SRPK1: variants seen among roughly 807,000 people sequenced by gnomAD.
SRPK1 encodes the protein SRSF protein kinase 1.
In SRPK1, 52 loss-of-function variants were observed where a neutral mutation model predicts 89.5. That is an observed-to-expected ratio of 0.58 (90% CI 0.46 to 0.73). The LOEUF is 0.73. Among genes scored for constraint, SRPK1 ranks in the 30% least tolerant of loss-of-function variants. The probability of loss-of-function intolerance (pLI) is 0.00; values close to 1 mark genes in which losing one functional copy is unlikely to be tolerated. For synonymous variants in SRPK1, 255 were observed against 270.2 expected (o/e 0.94, Z 0.55); for missense variants, 603 against 780.6 (o/e 0.77, Z 2.71).
chr6:35,916,091 G>A (rs1211947819), intron 2 of SRPK1, among the ~76,000 whole-genome samples: 1 of 149,928 alleles, frequency 6.7e-6, no homozygotes, highest in African/African-American at 2.5e-5. Context: ...GGACACAGTG[G>A]TATGTGCCTG....
intron 12 of SRPK1, among the ~76,000 whole-genome samples, chr6:35,862,073 TAACAACAACAACAACAAC>T (rs201751746): frequency 2.0e-5 from 3 of 151,532 alleles, no homozygotes; most frequent in Non-Finnish European, 4.4e-5. Context: ...CCATCACAGC[TAACAACAACAACAACAAC>T]AACAACAACA....
rs566449309 is a variant in SRPK1 at position 35,915,749 on chromosome 6, G to T, written c.74+4719C>A. Among the ~76,000 whole-genome samples, 561 of 152,052 alleles carry T rather than the reference G, an allele frequency of 3.7e-3. 2 individuals are homozygous for T. The highest frequency in any genetic ancestry group is 0.013 in the African/African-American group (524 of 41,472). ...GCACTTTGGGAGGCCGAGGTGGGCG[G>T]ATCATGAGGTCAGGAGATGGAGACC... On this transcript the variant is annotated intron_variant, in intron 2 of 15. Transcript: ENST00000373825.
intron 2 of SRPK1, among the ~76,000 whole-genome samples, chr6:35,897,793 T>C (rs933696086): frequency 6.6e-6 from 1 of 152,224 alleles, no homozygotes; most frequent in African/African-American, 2.4e-5. Context: ...ATTACAGGCA[T>C]GAGCTACCAC....
chr6:35,886,961 G>A, intron 5 of SRPK1, 150 bp from the exon 6 acceptor site: 3 of 580,774 alleles, frequency 5.2e-6, no homozygotes, highest in Non-Finnish European at 6.1e-6. Context: ...TAGCTTTAAT[G>A]GAGAAAAATC....
chr6:35,850,003 A>C (rs1032446922), intron 13 of SRPK1, among the ~76,000 whole-genome samples: 7 of 152,202 alleles, frequency 4.6e-5, no homozygotes, highest in African/African-American at 1.7e-4. Flanking sequence ...GTGAAATCTA[A>C]AACAATTTAA....
intron 12 of SRPK1, among the ~76,000 whole-genome samples, chr6:35,858,761 C>T (rs1012957133): frequency 2.6e-5 from 4 of 151,926 alleles, no homozygotes; most frequent in African/African-American, 4.8e-5. Context: ...ATAGGAGACA[C>T]GGAAAACAGG....
At position 35,869,487 on chromosome 6, in the gene SRPK1, T is replaced by C. The variant is rs756583604; in HGVS notation, c.1406A>G (p.Asn469Ser). ...AAGTATAGCTGCATAGGTACCTTTG[T>C]TGTCCAGTGGTCCGTTATGTTCTTG... ...QEQEHNGPLDNKGKSTAGNFL... is the reference protein window; with the variant it reads ...QEQEHNGPLDSKGKSTAGNFL... Residue 469 changes from asparagine to serine, a missense_variant, in exon 11 of 16, where the codon AAC becomes AGC. Coordinates refer to ENST00000373825, the MANE Select transcript of SRPK1 (RefSeq NM_003137.5). The C allele has an allele frequency of 1.2e-5, 20 of 1,612,482 alleles. No homozygotes were observed. Among genetic ancestry groups the C allele is most frequent in the South Asian group, 5.5e-5 (5 of 91,040 alleles).
At chr6:35,872,761 A>C in intron 7 of SRPK1, 33 bp from the exon 8 acceptor site, 1 of 1,553,732 alleles carries the variant, frequency 6.4e-7, no homozygotes, top group Non-Finnish European at 8.7e-7. Flanking sequence ...ACTTGCAAAC[A>C]CAAAATACAG....
chr6:35,843,334 C>CAAAA (rs113392736), intron 13 of SRPK1, among the ~76,000 whole-genome samples: 2 of 71,278 alleles, frequency 2.8e-5, no homozygotes, highest in African/African-American at 7.9e-5. Context: ...CAAAAAAAAT[C>CAAAA]AAAAAAAAAA....
At chr6:35,893,883 C>T (rs1051569520) in intron 2 of SRPK1, among the ~76,000 whole-genome samples, 8 of 151,852 alleles carry the variant, frequency 5.3e-5, no homozygotes, top group East Asian at 3.9e-4. Context: ...CAGTGGCATG[C>T]GCCTGTAATC....
intron 2 of SRPK1, among the ~76,000 whole-genome samples, chr6:35,902,447 C>A (rs1159147292): frequency 6.6e-6 from 1 of 151,298 alleles, no homozygotes; most frequent in African/African-American, 2.4e-5. Context: ...AAATAAAAAT[C>A]CAAAAAAAAG....
chr6:35,835,331 A>T lies in SRPK1; in HGVS notation c.1941T>A (p.Cys647Ter). ...IPEKRATAAECLRHPWLNS is the reference protein window; with the variant it reads ...IPEKRATAAE ...AGGAGTTAAGCCAAGGGTGCCGGAG[A>T]CACTCGGCGGCAGTGGCTCTCTTCT... Residue 647 changes from cysteine (C) to a stop codon, truncating the protein, a stop_gained, in exon 16 of 16, where the codon TGT becomes TGA. Transcript: ENST00000373825. LOFTEE classifies it high-confidence loss of function. 6.2e-7 allele frequency: 1 copy of T among 1,613,774 alleles called. No individual in the cohort carries two copies. The highest frequency in any genetic ancestry group is 8.5e-7 in the Non-Finnish European group (1 of 1,179,798).
At chr6:35,917,642 G>A (rs1341278549) in intron 2 of SRPK1, among the ~76,000 whole-genome samples, 2 of 152,156 alleles carry the variant, frequency 1.3e-5, no homozygotes, top group Non-Finnish European at 2.9e-5. Flanking sequence ...CCAAGTTTTG[G>A]TTCTTCTGTC....
chr6:35,842,016 TA>T (rs1264665568), intron 14 of SRPK1, among the ~76,000 whole-genome samples: 2 of 152,118 alleles, frequency 1.3e-5, no homozygotes, highest in Non-Finnish European at 2.9e-5. Flanking sequence ...CCACAACATG[TA>T]AATCCATTCT....
At chr6:35,893,520 C>T (rs553068595) in intron 2 of SRPK1, among the ~76,000 whole-genome samples, 1 of 151,818 alleles carries the variant, frequency 6.6e-6, no homozygotes, top group Non-Finnish European at 1.5e-5. Context: ...TAACTGAAGG[C>T]TTGTATAATG....
intron 10 of SRPK1, 65 bp downstream of exon 10, chr6:35,870,216 T>C (rs1285108175): frequency 1.7e-5 from 24 of 1,409,272 alleles, no homozygotes; most frequent in African/African-American, 1.1e-4. Flanking sequence ...CACTGTATTA[T>C]ATAGCAATGA....
chr6:35,835,508 G>T lies in SRPK1; in HGVS notation c.1784-20C>A. On this transcript the variant is annotated intron_variant, in intron 15 of 15. Coordinates refer to ENST00000373825, the MANE Select transcript of SRPK1 (RefSeq NM_003137.5). The stretch of plus-strand genomic sequence containing the variant: ...GGTCACCTGCAGTGAAGACAGTACA[G>T]AAAAAGCCACTGATCAACACAGACA... The T allele has an allele frequency of 6.3e-7, 1 of 1,591,570 alleles. No homozygotes were observed. The highest frequency in any genetic ancestry group is 8.6e-7 in the Non-Finnish European group (1 of 1,169,184).
At chr6:35,867,742 G>A (rs1471773330) in intron 12 of SRPK1, among the ~76,000 whole-genome samples, 11 of 152,004 alleles carry the variant, frequency 7.2e-5, no homozygotes, top group African/African-American at 1.7e-4. Context: ...ACCTGAATCC[G>A]GGAGGCAGAG....
intron 6 of SRPK1, among the ~76,000 whole-genome samples, chr6:35,881,319 G>C (rs1189223226): frequency 6.6e-6 from 1 of 151,978 alleles, no homozygotes; most frequent in East Asian, 1.9e-4. Flanking sequence ...TGTAATAATG[G>C]TTTATAACTC....
Sources: allele counts gnomAD v4.1 joint callset (sites outside exome capture counted in the v4.1 genomes callset), GRCh38; gene constraint gnomAD v4.1.1; transcripts MANE v1.5; gene names NCBI Gene and HGNC (gene_info 2026-07-23, HGNC 2026-07-21).